Variants in HAPLN3 observed in about 807,000 individuals in gnomAD.
HAPLN3 encodes hyaluronan and proteoglycan link protein 3.
A neutral mutation model predicts 28.1 loss-of-function variants in HAPLN3; 28 were observed. That is an observed-to-expected ratio of 1.00 (90% confidence interval 0.74 to 1.37). The LOEUF is 1.37. HAPLN3 is among the 40% of genes most tolerant of loss of function. The pLI, the probability that HAPLN3 is intolerant of heterozygous loss-of-function variation, is 0.00. For missense variants in HAPLN3, 513 were observed against 504.6 expected, an observed-to-expected ratio of 1.02 and a Z score of -0.16; for synonymous variants, 211 against 213.1, an observed-to-expected ratio of 0.99 and a Z score of 0.09.
chr15:88,879,435 C>G lies in HAPLN3; in HGVS notation c.494-166G>C. 14 of 1,534,628 alleles carry G rather than the reference C, an allele frequency of 9.1e-6. No homozygotes were observed. Among genetic ancestry groups the G allele is most frequent in the Non-Finnish European group, 1.2e-5 (14 of 1,146,694 alleles). On this transcript the variant is annotated intron_variant, in intron 3 of 4. Transcript: ENST00000359595. This position sits in a 1 kb window ranked among gnomAD's most constrained non-coding sequence, Gnocchi z 5.0. ...CCTCTGACCTCCTGTCCGTTGCCGC[C>G]TCTCTCCTGGGACTCAGCTGGTTCA... is the stretch of plus-strand genomic sequence containing the variant.
intron 1 of HAPLN3, among the ~76,000 whole-genome samples, 186 bp from the exon 2 acceptor site, chr15:88,887,531 C>T (rs2141669530): frequency 6.6e-6 from 1 of 152,344 alleles, no homozygotes; most frequent in Admixed American, 6.5e-5. Flanking sequence ...TTCCTGCTTT[C>T]AGGGAGCTGT....
chr15:88,893,349 C>T (rs1344586493), intron 1 of HAPLN3, among the ~76,000 whole-genome samples: 1 of 151,302 alleles, frequency 6.6e-6, no homozygotes, highest in Non-Finnish European at 1.5e-5. Context: ...ACCCAGGAGG[C>T]GGAAGTTGCA....
At chr15:88,893,663 C>G (rs1898074686) in intron 1 of HAPLN3, among the ~76,000 whole-genome samples, 1 of 152,060 alleles carries the variant, frequency 6.6e-6, no homozygotes, top group Non-Finnish European at 1.5e-5. Context: ...CACAGTGCCT[C>G]ATGCCTGTTA....
rs139962462 is a variant in HAPLN3 at position 88,879,369 on chromosome 15, A to AAC, written c.494-102_494-101dup. The stretch of plus-strand genomic sequence containing the variant: ...CTTCACTGGGACATGTGCTGCCTGC[A>AAC]ACACACACACATACACCATCCCTCA... On this transcript the variant is annotated intron_variant, in intron 3 of 4. Coordinates refer to ENST00000359595, the MANE Select transcript of HAPLN3 (RefSeq NM_178232.4). The surrounding 1 kb of genome is among the most constrained non-coding windows in gnomAD (Gnocchi z 5.0). 136 of 1,572,662 alleles carry AAC rather than the reference A, an allele frequency of 8.6e-5. No homozygotes were observed. The highest frequency in any genetic ancestry group is 1.1e-4 in the Non-Finnish European group (130 of 1,167,870).
At chr15:88,887,154 C>A in intron 2 of HAPLN3, 21 bp downstream of exon 2, 6 of 1,613,806 alleles carry the variant, frequency 3.7e-6, no homozygotes, top group Non-Finnish European at 5.1e-6. Flanking sequence ...AGCAAAGAGC[C>A]GGGTGCAGGA....
rs1326573627 is a variant in HAPLN3, at chr15:88,888,882, TG to T, written c.-47-1538del. Among the ~76,000 whole-genome samples the T allele has an allele frequency of 6.6e-6, 1 of 152,190 alleles. No individual in the cohort carries two copies. The highest frequency in any genetic ancestry group is 1.5e-5 in the Non-Finnish European group (1 of 68,022). On this transcript the variant is annotated intron_variant, in intron 1 of 4. Transcript: ENST00000359595. This position sits in a 1 kb window ranked among gnomAD's most constrained non-coding sequence, Gnocchi z 4.1. ...CAGATGCCAGCAAGAGTCCCAAGCC[TG>T]GGGGTGCTGGGGGTATACAGGAGGT...
chr15:88,887,084 G>T, intron 2 of HAPLN3, 91 bp downstream of exon 2: 3 of 1,422,134 alleles, frequency 2.1e-6, no homozygotes, highest in Non-Finnish European at 3.0e-6. Context: ...TGCTGTCCCT[G>T]TCCCAGCCTG....
chr15:88,891,156 A>G (rs1174458440), intron 1 of HAPLN3, among the ~76,000 whole-genome samples: 1 of 152,204 alleles, frequency 6.6e-6, no homozygotes, highest in African/African-American at 2.4e-5. Flanking sequence ...CTGGGATTAC[A>G]GGCGTGAGCC....
chr15:88,879,667 G>A lies in HAPLN3; in HGVS notation c.494-398C>T, dbSNP rs1414029605. 1.1e-5 allele frequency: 13 copies of A among 1,195,376 alleles called. No homozygotes were observed. The highest frequency in any genetic ancestry group is 2.7e-4 in the Middle Eastern group (1 of 3,736). The allele number at this position is 1,195,376 out of a possible 1,614,324, so 74.0% of individuals were successfully genotyped here. ...CGTTAGCTGGGACCCGATCGTCTACGTTATTATGAATGTGGAAATTTCCTA... is the reference window on the plus strand; with the variant it reads ...CGTTAGCTGGGACCCGATCGTCTACATTATTATGAATGTGGAAATTTCCTA... On this transcript the variant is annotated intron_variant, in intron 3 of 4. Transcript: ENST00000359595. This position sits in a 1 kb window ranked among gnomAD's most constrained non-coding sequence, Gnocchi z 5.0.
chr15:88,882,412 G>C (rs1462833885), intron 2 of HAPLN3, among the ~76,000 whole-genome samples: 1 of 152,202 alleles, frequency 6.6e-6, no homozygotes, highest in East Asian at 1.9e-4. Flanking sequence ...GGATCCGTCG[G>C]AGTTTCCTTC....
intron 2 of HAPLN3, among the ~76,000 whole-genome samples, chr15:88,882,495 C>T (rs1337718255): frequency 1.3e-5 from 2 of 152,178 alleles, no homozygotes; most frequent in Non-Finnish European, 1.5e-5. Context: ...ATAACTCTTC[C>T]CAAATACGGA....
At chr15:88,893,881 T>C (rs6496533) in intron 1 of HAPLN3, among the ~76,000 whole-genome samples, 1 of 146,386 alleles carries the variant, frequency 6.8e-6, no homozygotes, top group Non-Finnish European at 1.5e-5. Flanking sequence ...TGAGCCGAGA[T>C]TGAGCCATTG....
At chr15:88,883,061 C>T (rs1171543320) in intron 2 of HAPLN3, among the ~76,000 whole-genome samples, 2 of 152,156 alleles carry the variant, frequency 1.3e-5, no homozygotes, top group African/African-American at 2.4e-5. Flanking sequence ...AGGGGACAGC[C>T]TCATGGGTAA....
In HAPLN3 at chr15:88,889,001, C is replaced by T. The variant is rs192113069; in HGVS notation, c.-47-1656G>A. 1.6e-4 allele frequency among the ~76,000 whole-genome samples: 25 copies of T among 152,344 alleles called. 1 individual carries two copies. The highest frequency in any genetic ancestry group is 9.8e-4 in the Admixed American group (15 of 15,310). ...TGTCCCAGTTCCCCAGGCCTTCTGG[C>T]TTCCAGTGGGATTGAGCCAATGGGA... On this transcript the variant is annotated intron_variant, in intron 1 of 4. Transcript: ENST00000359595.
chr15:88,879,570 G>A lies in HAPLN3; in HGVS notation c.494-301C>T. On this transcript the variant is annotated intron_variant, in intron 3 of 4. Transcript: ENST00000359595. The surrounding 1 kb of genome is among the most constrained non-coding windows in gnomAD (Gnocchi z 5.0). ...AGGCTGTCGCCAGACCCCCAGTGAG[G>A]CTGTGCCATCTTCTCCAGACAGGCC... 2 of 1,382,942 alleles carry A rather than the reference G, an allele frequency of 1.4e-6. No homozygotes were observed. The highest frequency in any genetic ancestry group is 1.9e-6 in the Non-Finnish European group (2 of 1,048,994). The allele number at this position is 1,382,942 out of a possible 1,614,324, so 85.7% of individuals were successfully genotyped here.
intron 1 of HAPLN3, among the ~76,000 whole-genome samples, chr15:88,891,393 T>C (rs1162235546): frequency 6.6e-6 from 1 of 151,902 alleles, no homozygotes; most frequent in African/African-American, 2.4e-5. Context: ...GCCTCCTGGG[T>C]TCAAATGAAT....
In HAPLN3 at chr15:88,877,578, G is replaced by T. The variant is rs555603624; in HGVS notation, c.*392C>A. ...CCAAAGCCCAGCTCCGGAGGCCCCC[G>T]AGGCCCTCTTCTTCCCCCAGGCTGA... is the stretch of plus-strand genomic sequence containing the variant. On this transcript the variant is annotated 3_prime_UTR_variant, in exon 5 of 5. Coordinates refer to ENST00000359595, the MANE Select transcript of HAPLN3 (RefSeq NM_178232.4). This position sits in a 1 kb window ranked among gnomAD's most constrained non-coding sequence, Gnocchi z 5.1. 1.4e-4 allele frequency: 25 copies of T among 172,546 alleles called. No homozygotes were observed. Among genetic ancestry groups the T allele is most frequent in the Non-Finnish European group, 3.0e-4 (24 of 80,596 alleles). The allele number at this position is 172,546 out of a possible 1,614,324, so 10.7% of individuals were successfully genotyped here. A position where few individuals can be genotyped will look rare whatever the true frequency, so the allele number is the denominator to read the frequency against.
intron 1 of HAPLN3, among the ~76,000 whole-genome samples, chr15:88,893,992 C>T (rs528758605): frequency 2.6e-5 from 4 of 151,058 alleles, no homozygotes; most frequent in South Asian, 4.2e-4. Context: ...AAAACACTCT[C>T]GTGAAGATTA....
chr15:88,892,638 T>C (rs1898042575), intron 1 of HAPLN3, among the ~76,000 whole-genome samples: 1 of 152,082 alleles, frequency 6.6e-6, no homozygotes, highest in African/African-American at 2.4e-5. Context: ...ACCTGCTAGC[T>C]GGGTGACCCT....
Sources: allele counts gnomAD v4.1 joint callset (sites outside exome capture counted in the v4.1 genomes callset), GRCh38; gene constraint gnomAD v4.1.1; non-coding constraint Gnocchi (gnomAD v3.1); transcripts MANE v1.5; gene names NCBI Gene and HGNC (gene_info 2026-07-23, HGNC 2026-07-21).